Variants in PTPRT observed in about 807,000 individuals in gnomAD.
PTPRT encodes the protein receptor-type tyrosine-protein phosphatase T.
In PTPRT, 56 loss-of-function variants were observed where a neutral mutation model predicts 176.8. The ratio of observed to expected loss-of-function variants is 0.32; its 90% confidence interval spans 0.26 to 0.40. The LOEUF (loss-of-function observed/expected upper bound fraction) is 0.40, where lower values mean the gene tolerates loss of function less well. Among genes scored for constraint, PTPRT ranks in the 10% least tolerant of loss-of-function variants. The pLI, the probability that PTPRT is intolerant of heterozygous loss-of-function variation, is 1.00. For synonymous variants in PTPRT, 783 were observed against 739.0 expected (o/e 1.06, Z -0.96); for missense variants, 1,540 against 1,908.2 (o/e 0.81, Z 3.60).
chr20:42,174,846 T>G (rs2146558815), intron 16 of PTPRT, among the ~76,000 whole-genome samples: 1 of 152,316 alleles, frequency 6.6e-6, no homozygotes, highest in South Asian at 2.1e-4. Context: ...CTGCAAAGCC[T>G]TTATGGCTAG....
rs549212016 is a variant in PTPRT, at chr20:42,907,143, A to T, written c.89-21211T>A. On this transcript the variant is annotated intron_variant, in intron 1 of 30. Transcript: ENST00000373187. ...ATACAGTAGGAAAGAAAAAGAAATC[A>T]TCATAAACATTTAAAAAGAAGACCT... is the stretch of plus-strand genomic sequence containing the variant. Among the ~76,000 whole-genome samples, 125 of 152,318 alleles carry T rather than the reference A, an allele frequency of 8.2e-4. 1 individual carries two copies. The highest frequency in any genetic ancestry group is 3.0e-3 in the African/African-American group (123 of 41,566).
At chr20:42,984,457 G>T (rs974954409) in intron 1 of PTPRT, among the ~76,000 whole-genome samples, 1 of 152,146 alleles carries the variant, frequency 6.6e-6, no homozygotes, top group African/African-American at 2.4e-5. Flanking sequence ...TTCCAATAAA[G>T]ATAAGAGCTT....
chr20:42,803,518 A>G (rs1357527844), intron 2 of PTPRT, among the ~76,000 whole-genome samples: 1 of 152,244 alleles, frequency 6.6e-6, no homozygotes, highest in Admixed American at 6.5e-5. Context: ...ACAGCACTGT[A>G]GCATGGGTCC....
At chr20:42,303,358 G>A (rs1399703170) in intron 12 of PTPRT, among the ~76,000 whole-genome samples, 1 of 152,190 alleles carries the variant, frequency 6.6e-6, no homozygotes, top group Admixed American at 6.5e-5. Context: ...GATTGACTGA[G>A]GGACTTAGGC....
chr20:42,466,774 T>G (rs1301714337), intron 8 of PTPRT, among the ~76,000 whole-genome samples: 3 of 152,180 alleles, frequency 2.0e-5, no homozygotes, highest in African/African-American at 7.2e-5. Context: ...CGAGCACACC[T>G]AAGATGTATA....
intron 6 of PTPRT, among the ~76,000 whole-genome samples, chr20:42,746,624 T>C (rs1600692030): frequency 8.0e-6 from 1 of 125,474 alleles, no homozygotes; most frequent in Non-Finnish European, 1.6e-5. Context: ...ATAGCAGTCA[T>C]GGGAAAAAAA....
intron 1 of PTPRT, among the ~76,000 whole-genome samples, chr20:43,128,015 C>G (rs755942521): frequency 4.6e-5 from 7 of 152,184 alleles, no homozygotes; most frequent in Non-Finnish European, 8.8e-5. Context: ...ATAATAAGAG[C>G]TTAACAAAAA....
At chr20:42,252,509 C>G (rs907336448) in intron 13 of PTPRT, among the ~76,000 whole-genome samples, 1 of 152,014 alleles carries the variant, frequency 6.6e-6, no homozygotes, top group Non-Finnish European at 1.5e-5. Flanking sequence ...CAGGAGTGAC[C>G]AGACAGGTAG....
chr20:42,465,023 A>C (rs889635049), intron 8 of PTPRT, among the ~76,000 whole-genome samples: 1 of 152,080 alleles, frequency 6.6e-6, no homozygotes, highest in Non-Finnish European at 1.5e-5. Context: ...TATGTTTTGT[A>C]TGTGATTAAC....
At chr20:42,973,939 G>A (rs113613748) in intron 1 of PTPRT, among the ~76,000 whole-genome samples, 41 of 152,224 alleles carry the variant, frequency 2.7e-4, no homozygotes, top group African/African-American at 9.4e-4. Context: ...TAATCAGGAC[G>A]GTGATTCCTA....
intron 9 of PTPRT, among the ~76,000 whole-genome samples, chr20:42,409,704 A>T (rs901643703): frequency 1.3e-5 from 2 of 152,218 alleles, no homozygotes; most frequent in African/African-American, 4.8e-5. Flanking sequence ...TGCAAATTAG[A>T]GTTTGGTTGG....
At chr20:42,480,230 G>T (rs2071362116) in intron 7 of PTPRT, among the ~76,000 whole-genome samples, 1 of 152,178 alleles carries the variant, frequency 6.6e-6, no homozygotes, top group African/African-American at 2.4e-5. Flanking sequence ...AAACGTAGAT[G>T]ATACTCCTTC....
intron 2 of PTPRT, among the ~76,000 whole-genome samples, chr20:42,865,059 C>A (rs1039542891): frequency 6.6e-6 from 1 of 152,238 alleles, no homozygotes; most frequent in Non-Finnish European, 1.5e-5. Context: ...CATGCTGCTA[C>A]CACCTCCACG....
intron 6 of PTPRT, among the ~76,000 whole-genome samples, chr20:42,742,104 C>T (rs937358216): frequency 2.6e-5 from 4 of 152,080 alleles, no homozygotes; most frequent in Admixed American, 1.3e-4. Context: ...GGAGAAGGAG[C>T]GCCTTTCAGA....
At chr20:42,330,352 T>G (rs1025906643) in intron 11 of PTPRT, among the ~76,000 whole-genome samples, 30 of 151,976 alleles carry the variant, frequency 2.0e-4, no homozygotes, top group Admixed American at 9.8e-4. Flanking sequence ...GGCACATGTC[T>G]GCAGTCCCAG....
At chr20:43,008,610 G>C (rs1432092376) in intron 1 of PTPRT, among the ~76,000 whole-genome samples, 1 of 152,098 alleles carries the variant, frequency 6.6e-6, no homozygotes, top group African/African-American at 2.4e-5. Flanking sequence ...GGCATCACTT[G>C]CATCCGGGAG....
intron 7 of PTPRT, among the ~76,000 whole-genome samples, chr20:42,642,087 T>C (rs1310282176): frequency 1.3e-5 from 2 of 152,124 alleles, no homozygotes; most frequent in East Asian, 3.9e-4. Flanking sequence ...CCAGATAATA[T>C]TGAATATGTC....
chr20:42,443,873 A>T (rs1056840845), intron 9 of PTPRT, among the ~76,000 whole-genome samples: 1 of 152,210 alleles, frequency 6.6e-6, no homozygotes, highest in East Asian at 1.9e-4. Flanking sequence ...TAAATAGTTC[A>T]TCTTAATATC....
chr20:43,013,245 G>C (rs980746598), intron 1 of PTPRT, among the ~76,000 whole-genome samples: 4 of 152,038 alleles, frequency 2.6e-5, no homozygotes, highest in Admixed American at 2.6e-4. Context: ...TACAGAACCT[G>C]AGCTAACGAA....
Sources: gnomAD v4.1 joint callset for allele counts (sites outside exome capture counted in the v4.1 genomes callset) on GRCh38, gnomAD v4.1.1 for gene constraint, MANE v1.5 for transcripts, NCBI Gene and HGNC (gene_info 2026-07-23, HGNC 2026-07-21) for gene names.